The following FMN2 variants were observed in gnomAD, a reference collection of about 807,000 sequenced individuals.
The protein encoded by FMN2 is formin 2.
FMN2 carries 51 observed loss-of-function variants against 142.3 expected under a neutral mutation model. The ratio of observed to expected loss-of-function variants is 0.36; its 90% CI spans 0.29 to 0.45. The LOEUF (loss-of-function observed/expected upper bound fraction) is 0.45, where lower values mean the gene tolerates loss of function less well. Ranked by LOEUF, FMN2 falls within the 20% of genes least tolerant of loss-of-function variation. The pLI is 1.00. For missense variants in FMN2, 1,936 were observed against 2,122.8 expected, an observed-to-expected ratio of 0.91 and a Z score of 1.73; for synonymous variants, 882 against 869.8, an observed-to-expected ratio of 1.01 and a Z score of -0.25.
chr1:240,309,347 C>T (rs949699132), intron 8 of FMN2, among the ~76,000 whole-genome samples: 7 of 152,170 alleles, frequency 4.6e-5, no homozygotes, highest in Non-Finnish European at 8.8e-5. Context: ...CAGGTGAACT[C>T]TAGCTAGTGG....
chr1:240,414,740 T>G (rs1674521583), intron 15 of FMN2, among the ~76,000 whole-genome samples: 1 of 152,218 alleles, frequency 6.6e-6, no homozygotes, highest in Non-Finnish European at 1.5e-5. Flanking sequence ...TTGCCTTTAA[T>G]TATATCAGTG....
rs182333320 is a variant in FMN2, at chr1:240,264,335, G to A, written c.4153+6303G>A. On this transcript the variant is annotated intron_variant, in intron 7 of 17. Transcript: ENST00000319653. ...TGTAGCAGGTACCAAAAAGAGAACC[G>A]GTATTGGCATACAGGATACATATTC... is the stretch of plus-strand genomic sequence containing the variant. 9.3e-4 allele frequency among the ~76,000 whole-genome samples: 141 copies of A among 152,168 alleles called. 1 individual carries two copies. Among genetic ancestry groups the A allele is most frequent in the African/African-American group, 3.3e-3 (135 of 41,530 alleles).
chr1:240,187,758 GT>G (rs911800142), intron 3 of FMN2, among the ~76,000 whole-genome samples: 1 of 152,180 alleles, frequency 6.6e-6, no homozygotes, highest in African/African-American at 2.4e-5. Context: ...CTTGGTGACA[GT>G]GTTCGTTATC....
At chr1:240,124,763 G>A (rs1451438076) in intron 2 of FMN2, among the ~76,000 whole-genome samples, 1 of 152,110 alleles carries the variant, frequency 6.6e-6, no homozygotes, top group Non-Finnish European at 1.5e-5. Flanking sequence ...CACCTCCCGA[G>A]TTCAAGCGAT....
chr1:240,162,413 GA>G (rs1664316713), intron 2 of FMN2, among the ~76,000 whole-genome samples: 2 of 151,994 alleles, frequency 1.3e-5, no homozygotes, highest in African/African-American at 4.8e-5. Context: ...GCTGTGAACC[GA>G]GATCGCACCA....
chr1:240,321,649 C>T (rs985164809), intron 8 of FMN2, among the ~76,000 whole-genome samples: 53 of 152,190 alleles, frequency 3.5e-4, no homozygotes, highest in African/African-American at 1.2e-3. Context: ...AAATATTCCT[C>T]ACTTTCCCAA....
chr1:240,353,792 C>G (rs1475130434), intron 13 of FMN2, among the ~76,000 whole-genome samples: 3 of 152,128 alleles, frequency 2.0e-5, no homozygotes, highest in African/African-American at 7.2e-5. Context: ...AAAAAGTACT[C>G]AGTACATGAC....
intron 14 of FMN2, among the ~76,000 whole-genome samples, chr1:240,358,724 G>GC (rs1203152859): frequency 6.6e-6 from 1 of 152,044 alleles, no homozygotes; most frequent in East Asian, 1.9e-4. Flanking sequence ...TGGAGAAATG[G>GC]CCCCCATGAT....
chr1:240,360,544 T>C (rs928338910), intron 14 of FMN2, among the ~76,000 whole-genome samples: 1 of 152,214 alleles, frequency 6.6e-6, no homozygotes, highest in African/African-American at 2.4e-5. Flanking sequence ...CACTCAGATG[T>C]ACTCTATCTT....
At chr1:240,106,912 G>A (rs1247406298) in intron 1 of FMN2, among the ~76,000 whole-genome samples, 1 of 151,552 alleles carries the variant, frequency 6.6e-6, no homozygotes, top group African/African-American at 2.4e-5. Context: ...TCTAACTCCT[G>A]ACCTAAGGTG....
At chr1:240,117,593 T>C (rs1170112016) in intron 1 of FMN2, among the ~76,000 whole-genome samples, 1 of 152,178 alleles carries the variant, frequency 6.6e-6, no homozygotes, top group South Asian at 2.1e-4. Context: ...GCACGAGTGA[T>C]GGATTGTGCA....
intron 1 of FMN2, among the ~76,000 whole-genome samples, chr1:240,102,125 C>T (rs1413282891): frequency 6.6e-6 from 1 of 151,986 alleles, no homozygotes; most frequent in East Asian, 1.9e-4. Context: ...TACTGAAATA[C>T]TTTTTATGAG....
rs772088733 is a variant in FMN2 at position 240,092,288 on chromosome 1, AGTC to A, written c.181_183del (p.Ser61del). The A allele has an allele frequency of 6.3e-7, 1 of 1,579,740 alleles. No individual in the cohort carries two copies. The highest frequency in any genetic ancestry group is 8.6e-7 in the Non-Finnish European group (1 of 1,161,742). On this transcript the variant is annotated inframe_deletion, in exon 1 of 18. Coordinates refer to ENST00000319653, the MANE Select transcript of FMN2 (RefSeq NM_020066.5). The stretch of plus-strand genomic sequence containing the variant: ...GGAGGGGGCGGCGGCGGCGGCGGGG[AGTC>A]GGGCAAGAAGAAGAGCAAGTCCGAC...
intron 2 of FMN2, among the ~76,000 whole-genome samples, chr1:240,158,654 C>T (rs926896633): frequency 6.6e-5 from 10 of 152,158 alleles, no homozygotes; most frequent in Non-Finnish European, 1.2e-4. Flanking sequence ...CAAGCTACTA[C>T]TTAGTTTCTA....
chr1:240,440,040 A>G (rs1260220092), intron 16 of FMN2, among the ~76,000 whole-genome samples: 1 of 152,244 alleles, frequency 6.6e-6, no homozygotes, highest in Non-Finnish European at 1.5e-5. Flanking sequence ...TGGAGTGTAG[A>G]TGGTGTGATT....
chr1:240,324,655 T>A (rs1572194012), intron 8 of FMN2, among the ~76,000 whole-genome samples: 1 of 120,774 alleles, frequency 8.3e-6, no homozygotes, highest in African/African-American at 3.3e-5. Flanking sequence ...AGTGACAGAG[T>A]GAGACCCTGT....
At chr1:240,424,728 A>G (rs1026779611) in intron 15 of FMN2, among the ~76,000 whole-genome samples, 4 of 152,138 alleles carry the variant, frequency 2.6e-5, no homozygotes, top group Non-Finnish European at 5.9e-5. Flanking sequence ...ATAAATGGGG[A>G]ACAAAGCTCA....
At chr1:240,437,553 T>C (rs931646164) in intron 15 of FMN2, among the ~76,000 whole-genome samples, 18 of 152,158 alleles carry the variant, frequency 1.2e-4, no homozygotes, top group East Asian at 5.8e-4. Context: ...CCACCCACCT[T>C]GGCCTCCCAA....
intron 14 of FMN2, among the ~76,000 whole-genome samples, chr1:240,367,794 A>C (rs1335741478): frequency 1.3e-5 from 2 of 150,924 alleles, no homozygotes; most frequent in Non-Finnish European, 2.9e-5. Flanking sequence ...AAAAAAAAGA[A>C]ATCCTTCCCT....
Sources: gnomAD v4.1 joint callset for allele counts (sites outside exome capture counted in the v4.1 genomes callset) on GRCh38, gnomAD v4.1.1 for gene constraint, MANE v1.5 for transcripts, NCBI Gene and HGNC (gene_info 2026-07-23, HGNC 2026-07-21) for gene names.